The following CLOCK variants were observed in gnomAD, a reference collection of about 807,000 sequenced individuals.
CLOCK encodes clock circadian regulator.
Under a neutral mutation model 118.4 loss-of-function variants are expected in CLOCK, and 43 were observed. That is an observed-to-expected ratio of 0.36 (90% CI 0.28 to 0.47). CLOCK has a LOEUF of 0.47. Among genes scored for constraint, CLOCK ranks in the 20% least tolerant of loss-of-function variants. The pLI is 1.00. For missense variants in CLOCK, 846 were observed against 999.9 expected (o/e 0.85, Z 2.08); for synonymous variants, 326 against 339.2 (o/e 0.96, Z 0.43).
At chr4:55,515,663 G>A (rs4864545) in intron 1 of CLOCK, among the ~76,000 whole-genome samples, 51,455 of 152,024 alleles carry the variant, frequency 0.34, 9,410 homozygotes, top group East Asian at 0.58. Flanking sequence ...GATTACAGGC[G>A]CGAGCCACCA....
At chr4:55,508,146 TGACTCCAAA>T (rs1728925934) in intron 2 of CLOCK, among the ~76,000 whole-genome samples, 3 of 152,242 alleles carry the variant, frequency 2.0e-5, no homozygotes, top group Non-Finnish European at 4.4e-5. Flanking sequence ...GCCTATCCAT[TGACTCCAAA>T]GGGACAGTGT....
chr4:55,543,135 C>A (rs116526607), intron 1 of CLOCK, among the ~76,000 whole-genome samples: 3,391 of 152,190 alleles, frequency 0.022, 113 homozygotes, highest in African/African-American at 0.077. Flanking sequence ...CCAGGCTGGT[C>A]CTGAAATCCT....
At chr4:55,437,798 T>C (rs930034427) in intron 22 of CLOCK, among the ~76,000 whole-genome samples, 11 of 152,214 alleles carry the variant, frequency 7.2e-5, no homozygotes, top group African/African-American at 2.4e-4. Context: ...ACTTAGCTCA[T>C]AGATATACTA....
intron 19 of CLOCK, 94 bp downstream of exon 19, chr4:55,444,539 T>C: frequency 7.7e-6 from 11 of 1,428,250 alleles, no homozygotes; most frequent in Non-Finnish European, 9.8e-6. Context: ...AAAACGTATC[T>C]CTTGCATCTC....
chr4:55,510,629 T>TAAAA (rs3842583), intron 1 of CLOCK, among the ~76,000 whole-genome samples: 1 of 104,306 alleles, frequency 9.6e-6, no homozygotes, highest in South Asian at 3.1e-4. Context: ...TCTGTCTTTT[T>TAAAA]AAAAAAAAAA....
intron 9 of CLOCK, 46 bp from the exon 10 acceptor site, chr4:55,459,307 CAATG>C: frequency 8.8e-7 from 1 of 1,131,316 alleles, no homozygotes; most frequent in South Asian, 1.3e-5. Context: ...TGATATAAAA[CAATG>C]ATTGATATAC....
intron 18 of CLOCK, among the ~76,000 whole-genome samples, chr4:55,445,582 C>CTTTTTTTTTTTTTTTCTTTT (rs1723750350): frequency 1.5e-5 from 1 of 68,574 alleles, no homozygotes; most frequent in Non-Finnish European, 2.7e-5. Context: ...TTTCTATATT[C>CTTTTTTTTTTTTTTTCTTTT]TTTTTTTTTT....
At chr4:55,541,425 T>C (rs1393600155) in intron 1 of CLOCK, among the ~76,000 whole-genome samples, 4 of 152,230 alleles carry the variant, frequency 2.6e-5, no homozygotes, top group Admixed American at 1.3e-4. Context: ...TTTTACTTTA[T>C]GCATCTGTAA....
intron 1 of CLOCK, among the ~76,000 whole-genome samples, chr4:55,522,114 A>G (rs749867950): frequency 2.6e-5 from 4 of 152,220 alleles, no homozygotes; most frequent in Non-Finnish European, 5.9e-5. Flanking sequence ...TACCACACGT[A>G]AACATAAATT....
intron 4 of CLOCK, among the ~76,000 whole-genome samples, chr4:55,480,028 TTA>T (rs1726809147): frequency 6.6e-6 from 1 of 152,216 alleles, no homozygotes; most frequent in Non-Finnish European, 1.5e-5. Context: ...GTGTTTGCCA[TTA>T]TATAAAATTA....
chr4:55,540,700 C>T lies in CLOCK; in HGVS notation c.-290+6082G>A, dbSNP rs150545647. On this transcript the variant is annotated intron_variant, in intron 1 of 22. Transcript: ENST00000513440. ...GATGGTTGTCCTCTTCAACCAAGCACGCAGCTTCAGCTTCAGGAGGGACGC... is the reference window on the plus strand; with the variant it reads ...GATGGTTGTCCTCTTCAACCAAGCATGCAGCTTCAGCTTCAGGAGGGACGC... 6.2e-3 allele frequency: 945 copies of T among 152,296 alleles called. 17 individuals are homozygous for T. Among genetic ancestry groups the T allele is most frequent in the African/African-American group, 0.021 (876 of 41,516 alleles). The allele number at this position is 152,296 out of a possible 1,614,324, so 9.4% of individuals were successfully genotyped here.
At chr4:55,474,961 G>C (rs538333792) in intron 7 of CLOCK, among the ~76,000 whole-genome samples, 2 of 152,274 alleles carry the variant, frequency 1.3e-5, no homozygotes, top group Admixed American at 1.3e-4. Context: ...CATGGGTCAA[G>C]GAATAATTTT....
intron 13 of CLOCK, among the ~76,000 whole-genome samples, chr4:55,454,826 A>G (rs1724796560): frequency 6.6e-6 from 1 of 152,028 alleles, no homozygotes; most frequent in African/African-American, 2.4e-5. Context: ...AGAAAATGCT[A>G]GTCAAGAATC....
At chr4:55,477,759 A>G (rs997329327) in intron 6 of CLOCK, among the ~76,000 whole-genome samples, 3 of 151,992 alleles carry the variant, frequency 2.0e-5, no homozygotes, top group African/African-American at 7.2e-5. Flanking sequence ...GAGTGTACAG[A>G]AAGCAAGAGA....
At chr4:55,512,341 G>A (rs1419441325) in intron 1 of CLOCK, among the ~76,000 whole-genome samples, 9 of 151,960 alleles carry the variant, frequency 5.9e-5, no homozygotes, top group Non-Finnish European at 1.3e-4. Flanking sequence ...ATGATATAGT[G>A]CATCTTTTCA....
chr4:55,482,988 T>G (rs563003432), intron 3 of CLOCK, among the ~76,000 whole-genome samples, 160 bp from the exon 4 acceptor site: 1 of 152,282 alleles, frequency 6.6e-6, no homozygotes, highest in South Asian at 2.1e-4. Flanking sequence ...ATGGCTGAGG[T>G]ACATTTGAGG....
intron 2 of CLOCK, among the ~76,000 whole-genome samples, chr4:55,495,188 A>G (rs1727973573): frequency 6.6e-6 from 1 of 151,830 alleles, no homozygotes; most frequent in Admixed American, 6.6e-5. Flanking sequence ...TATACTCTGT[A>G]TGTCCCTACA....
chr4:55,449,299 A>T, intron 17 of CLOCK, 97 bp downstream of exon 17: 1 of 1,123,688 alleles, frequency 8.9e-7, no homozygotes. Context: ...TGATCTTTAC[A>T]AAGAGGGGTG....
At chr4:55,546,020 G>A (rs1020793731) in intron 1 of CLOCK, 10 of 152,258 alleles carry the variant, frequency 6.6e-5, no homozygotes, top group Non-Finnish European at 1.3e-4. Flanking sequence ...GCGGCCGTTC[G>A]GACTGCGGAC....
Sources: gnomAD v4.1 joint callset for allele counts (sites outside exome capture counted in the v4.1 genomes callset) on GRCh38, gnomAD v4.1.1 for gene constraint, MANE v1.5 for transcripts, NCBI Gene and HGNC (gene_info 2026-07-23, HGNC 2026-07-21) for gene names.